WDR25: variants seen among roughly 807,000 people sequenced by gnomAD.
WDR25 encodes WD repeat-containing protein 25.
WDR25 carries 35 observed loss-of-function variants against 47.7 expected under a neutral mutation model. The ratio of observed to expected loss-of-function variants is 0.73; its 90% CI spans 0.56 to 0.97. The LOEUF (loss-of-function observed/expected upper bound fraction) is 0.97. WDR25 is among the 50% of genes least tolerant of loss of function. WDR25 has a pLI of 0.00. For synonymous variants in WDR25, 248 were observed against 278.9 expected (o/e 0.89, Z 1.10); for missense variants, 634 against 704.7 (o/e 0.90, Z 1.14).
At chr14:100,421,554 A>G (rs905405860) in intron 2 of WDR25, among the ~76,000 whole-genome samples, 1 of 152,184 alleles carries the variant, frequency 6.6e-6, no homozygotes, top group African/African-American at 2.4e-5. Context: ...AAAATAAAAT[A>G]AACTTCCATA....
chr14:100,462,386 C>T (rs150983364), intron 2 of WDR25, among the ~76,000 whole-genome samples: 84 of 152,298 alleles, frequency 5.5e-4, no homozygotes, highest in African/African-American at 1.6e-3. Flanking sequence ...GAAAAAAGCA[C>T]GCACTTCAGT....
At chr14:100,482,021 T>C (rs867322411) in intron 3 of WDR25, among the ~76,000 whole-genome samples, 4 of 152,036 alleles carry the variant, frequency 2.6e-5, no homozygotes, top group Non-Finnish European at 2.9e-5. Flanking sequence ...GTGTTAAGAA[T>C]TGTGTACAAA....
chr14:100,512,645 T>A (rs772778320), intron 4 of WDR25, among the ~76,000 whole-genome samples: 1 of 152,204 alleles, frequency 6.6e-6, no homozygotes, highest in East Asian at 1.9e-4. Context: ...AATTTAATTT[T>A]CTTTTTCTAG....
chr14:100,382,226 C>A, intron 2 of WDR25: 2 of 702,086 alleles, frequency 2.8e-6, no homozygotes, highest in South Asian at 3.0e-5. Context: ...CAGACTCAAC[C>A]CTGAGCTGTG....
intron 2 of WDR25, among the ~76,000 whole-genome samples, chr14:100,459,605 C>T (rs927209044): frequency 6.6e-6 from 1 of 151,822 alleles, no homozygotes; most frequent in African/African-American, 2.4e-5. Flanking sequence ...GCATCCTATC[C>T]AATTCTCCCT....
chr14:100,493,023 C>G (rs1384383736), intron 4 of WDR25, among the ~76,000 whole-genome samples: 6 of 152,146 alleles, frequency 3.9e-5, no homozygotes, highest in Admixed American at 3.9e-4. Context: ...GTTGCGCAGG[C>G]TGGTCTTGAA....
chr14:100,444,519 G>A lies in WDR25; in HGVS notation c.823-23502G>A, dbSNP rs114321050. ...AGAGCTGCTACCTTTCCATGGACAC[G>A]TCTGGGTCCAGGTGACTTCCTTCTT... On this transcript the variant is annotated intron_variant, in intron 2 of 6. Transcript: ENST00000402312. 9.6e-3 allele frequency among the ~76,000 whole-genome samples: 1,446 copies of A among 151,078 alleles called. 22 individuals carry two copies. The highest frequency in any genetic ancestry group is 0.033 in the African/African-American group (1,375 of 41,152).
intron 2 of WDR25, among the ~76,000 whole-genome samples, chr14:100,456,514 G>A (rs1479179348): frequency 6.6e-6 from 1 of 152,152 alleles, no homozygotes; most frequent in Admixed American, 6.5e-5. Flanking sequence ...TGTGCAAAAA[G>A]GTAGAGACTA....
At chr14:100,379,740 T>C (rs1896829808) in intron 1 of WDR25, among the ~76,000 whole-genome samples, 1 of 151,856 alleles carries the variant, frequency 6.6e-6, no homozygotes, top group Non-Finnish European at 1.5e-5. Flanking sequence ...TTCCTTTTTT[T>C]TTTTTAATTT....
At chr14:100,490,528 G>A (rs1900528035) in intron 4 of WDR25, among the ~76,000 whole-genome samples, 1 of 152,244 alleles carries the variant, frequency 6.6e-6, no homozygotes, top group Non-Finnish European at 1.5e-5. Flanking sequence ...GGCCTGACCT[G>A]ACTGATCTAG....
intron 2 of WDR25, among the ~76,000 whole-genome samples, chr14:100,419,221 CAA>C (rs767240939): frequency 4.8e-4 from 35 of 72,182 alleles, no homozygotes; most frequent in Admixed American, 8.2e-4. Context: ...GACTCCATCA[CAA>C]AAAAAAAAAA....
At chr14:100,446,543 T>TC (rs1295112812) in intron 2 of WDR25, among the ~76,000 whole-genome samples, 1 of 106,984 alleles carries the variant, frequency 9.3e-6, no homozygotes, top group Non-Finnish European at 1.8e-5. Context: ...AGAGGAAGAC[T>TC]CCATCTCAAA....
Position 100,525,853 on chromosome 14 carries a change from G to T in WDR25, c.1102-17G>T, listed in dbSNP as rs558836304. On this transcript the variant is annotated splice_polypyrimidine_tract_variant and intron_variant, in intron 4 of 6. Transcript: ENST00000402312. The surrounding 1 kb of genome is among the most constrained non-coding windows in gnomAD (Gnocchi z 4.6). ...TGCTGCCAGGCCTGCCAGCATGACCGGTGTCCGCTCTTGCAGGTGATGAGA... is the reference window on the plus strand; with the variant it reads ...TGCTGCCAGGCCTGCCAGCATGACCTGTGTCCGCTCTTGCAGGTGATGAGA... 5 of 1,611,278 alleles carry T rather than the reference G, an allele frequency of 3.1e-6. No individual in the cohort carries two copies. In the South Asian group the frequency reaches 5.5e-5, roughly 18 times the overall value.
At chr14:100,377,876 C>A (rs1272730907) in intron 1 of WDR25, among the ~76,000 whole-genome samples, 1 of 152,112 alleles carries the variant, frequency 6.6e-6, no homozygotes, top group East Asian at 1.9e-4. Context: ...TAGAAAAGGA[C>A]TTGGAGGGAA....
intron 2 of WDR25, among the ~76,000 whole-genome samples, chr14:100,444,720 C>A (rs1898777276): frequency 6.6e-6 from 1 of 152,196 alleles, no homozygotes; most frequent in Admixed American, 6.5e-5. Flanking sequence ...ATCTGGAGGG[C>A]TGTGTCTAGA....
chr14:100,402,521 C>T (rs1897410444), intron 2 of WDR25, among the ~76,000 whole-genome samples: 1 of 152,146 alleles, frequency 6.6e-6, no homozygotes, highest in Non-Finnish European at 1.5e-5. Context: ...CGCTGTCAGC[C>T]AGGGGCCAGG....
chr14:100,384,000 C>T (rs1295899905), intron 2 of WDR25, among the ~76,000 whole-genome samples: 6 of 152,192 alleles, frequency 3.9e-5, no homozygotes, highest in African/African-American at 9.7e-5. Flanking sequence ...TGGGGCCAGG[C>T]GCCGCAGCTG....
At chr14:100,446,809 G>A (rs1898849430) in intron 2 of WDR25, among the ~76,000 whole-genome samples, 1 of 152,162 alleles carries the variant, frequency 6.6e-6, no homozygotes, top group Non-Finnish European at 1.5e-5. Flanking sequence ...GGCTCTGTGG[G>A]CGTGGTTATG....
intron 2 of WDR25, among the ~76,000 whole-genome samples, chr14:100,403,839 C>T (rs761036954): frequency 3.9e-5 from 6 of 152,088 alleles, no homozygotes; most frequent in Admixed American, 6.5e-5. Flanking sequence ...AGACTTCCAT[C>T]GAGATGATTG....
Sources: gnomAD v4.1 joint callset for allele counts (sites outside exome capture counted in the v4.1 genomes callset) on GRCh38, gnomAD v4.1.1 for gene constraint, Gnocchi (gnomAD v3.1) non-coding constraint, MANE v1.5 for transcripts, NCBI Gene and HGNC (gene_info 2026-07-23, HGNC 2026-07-21) for gene names.